RIMBP2: variants seen among roughly 807,000 people sequenced by gnomAD.
The protein encoded by RIMBP2 is RIMS-binding protein 2.
Under a neutral mutation model 118.6 loss-of-function variants are expected in RIMBP2, and 48 were observed. That is an observed-to-expected ratio of 0.40 (90% CI 0.32 to 0.51). The LOEUF (loss-of-function observed/expected upper bound fraction) is 0.51. Ranked by LOEUF, RIMBP2 falls within the 20% of genes least tolerant of loss-of-function variation. The pLI is 0.41. For synonymous variants in RIMBP2, 762 were observed against 742.9 expected (o/e 1.03, Z -0.42); for missense variants, 1,551 against 1,768.3 (o/e 0.88, Z 2.20).
intron 1 of RIMBP2, among the ~76,000 whole-genome samples, chr12:130,628,906 C>CA (rs1390843276): frequency 1.3e-5 from 2 of 152,066 alleles, no homozygotes; most frequent in Non-Finnish European, 2.9e-5. Context: ...CAGCCGATGA[C>CA]AGAAAGAGTT....
chr12:130,436,065 G>A (rs1312429317), intron 13 of RIMBP2, among the ~76,000 whole-genome samples: 3 of 152,236 alleles, frequency 2.0e-5, no homozygotes, highest in Non-Finnish European at 4.4e-5. Context: ...GGTGGAAACG[G>A]GCTCAACACA....
chr12:130,516,868 G>C (rs1359087623), intron 3 of RIMBP2, among the ~76,000 whole-genome samples: 1 of 152,166 alleles, frequency 6.6e-6, no homozygotes, highest in African/African-American at 2.4e-5. Flanking sequence ...ATAGGGAAAA[G>C]ACCACAGGAT....
Position 130,450,384 on chromosome 12 carries a change from C to A in RIMBP2, c.505-108G>T. The A allele has an allele frequency of 2.6e-6, 2 of 775,832 alleles. No individual in the cohort carries two copies. 48.1% of individuals were successfully genotyped at this position (775,832 alleles called of 1,614,324 possible). A position where few individuals can be genotyped will look rare whatever the true frequency, so the allele number is the denominator to read the frequency against. ...GCAGCTTCCTGGGCCCCAGGAGGGA[C>A]GGCCTGAGACTGTGGCACTCCCAGG... On this transcript the variant is annotated intron_variant, in intron 8 of 22. Transcript: ENST00000690449. This position sits in a 1 kb window ranked among gnomAD's most constrained non-coding sequence, Gnocchi z 4.8.
chr12:130,414,348 T>A, intron 17 of RIMBP2, 42 bp from the exon 18 acceptor site: 1 of 1,524,350 alleles, frequency 6.6e-7, no homozygotes, highest in Non-Finnish European at 8.8e-7. Flanking sequence ...GCAGTGAGCC[T>A]AACTGAGGAG....
intron 2 of RIMBP2, among the ~76,000 whole-genome samples, chr12:130,574,890 G>C (rs905193642): frequency 2.0e-5 from 3 of 151,990 alleles, no homozygotes; most frequent in Non-Finnish European, 4.4e-5. Context: ...CATGCGGCCA[G>C]GTCTCACCCA....
intron 4 of RIMBP2, among the ~76,000 whole-genome samples, chr12:130,499,678 G>A (rs2049545605): frequency 6.6e-6 from 1 of 152,052 alleles, no homozygotes; most frequent in Non-Finnish European, 1.5e-5. Flanking sequence ...TCCCTCCCTG[G>A]CTTCATCCAG....
At chr12:130,566,616 A>T (rs2057239237) in intron 2 of RIMBP2, among the ~76,000 whole-genome samples, 1 of 152,134 alleles carries the variant, frequency 6.6e-6, no homozygotes, top group East Asian at 1.9e-4. Flanking sequence ...CGCACCAGAC[A>T]AGTTGGAAGT....
At chr12:130,552,759 G>C (rs906796083) in intron 2 of RIMBP2, among the ~76,000 whole-genome samples, 1 of 152,154 alleles carries the variant, frequency 6.6e-6, no homozygotes, top group Admixed American at 6.5e-5. Context: ...AAGTGAGATT[G>C]TGTACATCCC....
intron 21 of RIMBP2, among the ~76,000 whole-genome samples, chr12:130,402,934 A>C (rs1317546868): frequency 1.3e-5 from 2 of 152,196 alleles, no homozygotes; most frequent in Non-Finnish European, 2.9e-5. Context: ...GGGGTGTTAG[A>C]AGTCTTCAGT....
intron 9 of RIMBP2, 58 bp from the exon 10 acceptor site, chr12:130,445,327 TGTCC>T: frequency 7.9e-7 from 1 of 1,260,994 alleles, no homozygotes; most frequent in African/African-American, 1.5e-5. Flanking sequence ...CCCGCACCCC[TGTCC>T]GTGCAGAACG....
intron 4 of RIMBP2, among the ~76,000 whole-genome samples, chr12:130,503,181 C>T (rs909614879): frequency 2.6e-5 from 4 of 151,374 alleles, no homozygotes; most frequent in Non-Finnish European, 5.9e-5. Context: ...CACTTAAAGT[C>T]AGGAGTTCAA....
At chr12:130,659,865 T>C (rs1437507669) in intron 1 of RIMBP2, among the ~76,000 whole-genome samples, 1 of 151,550 alleles carries the variant, frequency 6.6e-6, no homozygotes, top group African/African-American at 2.4e-5. Flanking sequence ...TTCCAGCTAC[T>C]TGGGAGGCCA....
chr12:130,684,248 C>A (rs1031273925), intron 1 of RIMBP2, among the ~76,000 whole-genome samples: 27 of 152,182 alleles, frequency 1.8e-4, no homozygotes, highest in African/African-American at 6.5e-4. Context: ...TCCCTACCCC[C>A]ACCCACACTT....
chr12:130,631,470 T>C lies in RIMBP2; in HGVS notation c.-351-3014A>G, dbSNP rs1437938208. On this transcript the variant is annotated intron_variant, in intron 1 of 22. Transcript: ENST00000690449. Reference sequence around the variant, plus strand: ...AGGTAATTCTTCCTTGTGCAGGCTGTCCTGTGCACTATGGGGTGTTTAGCA... The same window carrying C: ...AGGTAATTCTTCCTTGTGCAGGCTGCCCTGTGCACTATGGGGTGTTTAGCA... 3.9e-5 allele frequency among the ~76,000 whole-genome samples: 6 copies of C among 152,272 alleles called. No individual in the cohort carries two copies. The East Asian group carries it at 9.7e-4, about 25-fold the overall frequency.
At chr12:130,537,087 G>A (rs1201130961) in intron 2 of RIMBP2, among the ~76,000 whole-genome samples, 3 of 152,172 alleles carry the variant, frequency 2.0e-5, no homozygotes, top group Admixed American at 6.5e-5. Context: ...CTCTCATTAA[G>A]GAGGCATGAG....
rs553536322 is a variant in RIMBP2, at chr12:130,607,389, G to A, written c.-217+20933C>T. On this transcript the variant is annotated intron_variant, in intron 2 of 22. Coordinates refer to ENST00000690449, the MANE Select transcript of RIMBP2 (RefSeq NM_001393629.1). ...AATTTAACAGGCTGATTAAGATGATGTTTAATAGACGGGTGCCTCCAGTTG... is the reference window on the plus strand; with the variant it reads ...AATTTAACAGGCTGATTAAGATGATATTTAATAGACGGGTGCCTCCAGTTG... 1.7e-4 allele frequency among the ~76,000 whole-genome samples: 25 copies of A among 148,620 alleles called. No homozygotes were observed. The South Asian group carries it at 4.8e-3, about 29-fold the overall frequency.
At chr12:130,493,984 A>G (rs1040118373) in intron 4 of RIMBP2, among the ~76,000 whole-genome samples, 1 of 152,136 alleles carries the variant, frequency 6.6e-6, no homozygotes, top group East Asian at 1.9e-4. Flanking sequence ...AGTGGACACA[A>G]AGCTGAGAGG....
intron 2 of RIMBP2, among the ~76,000 whole-genome samples, chr12:130,599,749 G>C (rs1473442100): frequency 2.0e-5 from 3 of 152,136 alleles, no homozygotes; most frequent in African/African-American, 2.4e-5. Flanking sequence ...TACAGTTTCT[G>C]CAAATGTTAA....
chr12:130,438,351 C>CA lies in RIMBP2; in HGVS notation c.1656+13dup. ...GCCTAACAAACCCTCCCCACCCACC[C>CA]AACGAAAACTCACCCTCTGCCCTTT... On this transcript the variant is annotated intron_variant, in intron 12 of 22. Coordinates refer to ENST00000690449, the MANE Select transcript of RIMBP2 (RefSeq NM_001393629.1). The CA allele has an allele frequency of 1.3e-6, 2 of 1,589,928 alleles. No homozygotes were observed. Among genetic ancestry groups the CA allele is most frequent in the South Asian group, 1.1e-5 (1 of 90,684 alleles).
Sources: gnomAD v4.1 joint callset for allele counts (sites outside exome capture counted in the v4.1 genomes callset) on GRCh38, gnomAD v4.1.1 for gene constraint, Gnocchi (gnomAD v3.1) non-coding constraint, MANE v1.5 for transcripts, NCBI Gene and HGNC (gene_info 2026-07-23, HGNC 2026-07-21) for gene names.